The following CHFR variants were observed in gnomAD, a reference collection of about 807,000 sequenced individuals.
CHFR encodes checkpoint with forkhead and ring finger domains.
Under a neutral mutation model 87.6 loss-of-function variants are expected in CHFR, and 57 were observed. The ratio of observed to expected loss-of-function variants is 0.65; its 90% CI spans 0.53 to 0.81. The LOEUF is 0.81. CHFR is among the 30% of genes least tolerant of loss of function. The probability of loss-of-function intolerance (pLI) is 0.00; values close to 1 mark genes in which losing one functional copy is unlikely to be tolerated. For synonymous variants in CHFR, 381 were observed against 359.2 expected (o/e 1.06, Z -0.69); for missense variants, 797 against 865.8 (o/e 0.92, Z 1.00).
intron 15 of CHFR, 145 bp downstream of exon 15, chr12:132,846,898 A>G: frequency 1.5e-6 from 1 of 666,494 alleles, no homozygotes. Context: ...AAACAAACAA[A>G]CAAAAACAAC....
At chr12:132,852,095 TG>T (rs1264438754) in intron 11 of CHFR, among the ~76,000 whole-genome samples, 1 of 151,720 alleles carries the variant, frequency 6.6e-6, no homozygotes, top group African/African-American at 2.4e-5. Context: ...GCCATTCTCC[TG>T]CTTTAGCCTC....
chr12:132,871,544 G>T (rs1415838962), intron 4 of CHFR, among the ~76,000 whole-genome samples: 1 of 151,746 alleles, frequency 6.6e-6, no homozygotes, highest in Admixed American at 6.6e-5. Context: ...GGTTGAGGTG[G>T]GTGGATCACC....
At chr12:132,886,541 C>A (rs1275589159) in intron 2 of CHFR, among the ~76,000 whole-genome samples, 1 of 152,168 alleles carries the variant, frequency 6.6e-6, no homozygotes, top group East Asian at 1.9e-4. Context: ...GGAAATCAAA[C>A]AACCAGATGG....
intron 11 of CHFR, 80 bp downstream of exon 11, chr12:132,853,351 C>T (rs1194282280): frequency 5.9e-6 from 8 of 1,358,526 alleles, no homozygotes; most frequent in African/African-American, 3.1e-5. Flanking sequence ...GGGCAGAGCG[C>T]GGCCACGTGC....
At position 132,834,653 on chromosome 12, in the gene CHFR, T is replaced by A. The variant is rs1950633989; in HGVS notation, c.*6901A>T. 6.6e-6 allele frequency: 1 copy of A among 151,054 alleles called. No homozygotes were observed. The highest frequency in any genetic ancestry group is 1.5e-5 in the Non-Finnish European group (1 of 67,956). 9.4% of individuals were successfully genotyped at this position (151,054 alleles called of 1,614,324 possible). On this transcript the variant is annotated 3_prime_UTR_variant, in exon 18 of 18. Transcript: ENST00000450056. ...GCCCTTGCTCCCTCTGCAAAGCACA[T>A]CCCTCCCACCTCTTCTCTGTCACCA... is the stretch of plus-strand genomic sequence containing the variant.
intron 3 of CHFR, among the ~76,000 whole-genome samples, chr12:132,874,860 G>A (rs1301518793): frequency 1.3e-5 from 2 of 151,224 alleles, no homozygotes; most frequent in Non-Finnish European, 2.9e-5. Context: ...AGGGAACCCA[G>A]GCCCTGGAAC....
rs201454195 is a variant in CHFR, at chr12:132,851,635, C to T, written c.1475G>A (p.Arg492His). Residue 492 changes from arginine to histidine, a missense_variant, in exon 12 of 18, where the codon CGT becomes CAT. Arg to His is a conservative substitution (Grantham distance 29). Around this residue, in one of 2 missense-constraint regions of CHFR, gnomAD observed 200 missense variants for 264.6 expected, o/e 0.76. Coordinates refer to ENST00000450056, the MANE Select transcript of CHFR (RefSeq NM_001161346.2). ...GCACTCACACTGCTGAGGGGCGACA[C>T]GCGGGTCCTGCTCGCGCTCCGCTCT... The part of the protein sequence containing the change: ...DRRAEREQDP[R>H]VAPQQCAVCL... 17 of 1,612,150 alleles carry T rather than the reference C, an allele frequency of 1.1e-5. No individual in the cohort carries two copies. The highest frequency in any genetic ancestry group is 3.3e-5 in the South Asian group (3 of 91,020).
intron 5 of CHFR, 84 bp from the exon 6 acceptor site, chr12:132,869,882 G>C: frequency 6.9e-7 from 1 of 1,454,226 alleles, no homozygotes; most frequent in East Asian, 2.5e-5. Flanking sequence ...GGCTCAAGCA[G>C]ACACTCTAGG....
chr12:132,857,599 G>A, intron 8 of CHFR, 40 bp from the exon 9 acceptor site: 1 of 1,599,442 alleles, frequency 6.3e-7, no homozygotes, highest in South Asian at 1.1e-5. Flanking sequence ...CAGTCCCACA[G>A]ATGCAACCGC....
intron 16 of CHFR, among the ~76,000 whole-genome samples, chr12:132,843,457 TAAA>T (rs1424770132): frequency 6.6e-6 from 1 of 151,912 alleles, no homozygotes; most frequent in African/African-American, 2.4e-5. Flanking sequence ...AATTAAAAAA[TAAA>T]AACCCAATTG....
intron 10 of CHFR, 54 bp from the exon 11 acceptor site, chr12:132,853,627 G>A: frequency 1.4e-6 from 2 of 1,478,986 alleles, no homozygotes; most frequent in Admixed American, 5.6e-5. Flanking sequence ...TCTCAGGTAG[G>A]GCCGGTGCAA....
intron 2 of CHFR, among the ~76,000 whole-genome samples, chr12:132,884,959 G>A (rs1408470016): frequency 2.0e-5 from 3 of 151,848 alleles, no homozygotes; most frequent in East Asian, 1.9e-4. Flanking sequence ...GTGGTGGTAC[G>A]TGCCTGTAGT....
chr12:132,881,635 A>T (rs1951771514), intron 2 of CHFR, among the ~76,000 whole-genome samples: 1 of 152,152 alleles, frequency 6.6e-6, no homozygotes, highest in Admixed American at 6.6e-5. Flanking sequence ...TGGGAGGCCG[A>T]GGCGGGCGGA....
intron 6 of CHFR, among the ~76,000 whole-genome samples, chr12:132,863,106 C>T: frequency 6.7e-6 from 1 of 150,096 alleles, no homozygotes; most frequent in Middle Eastern, 3.4e-3. Context: ...CCGTGTTAGC[C>T]AGGATGGTCT....
chr12:132,843,733 G>A lies in CHFR; in HGVS notation c.1843+294C>T, dbSNP rs147750032. ...TGCAATCCTAGCACTTTGGGAGGCCGAGGTCAAGAGTTCGAGACCAGCCTG... is the reference window on the plus strand; with the variant it reads ...TGCAATCCTAGCACTTTGGGAGGCCAAGGTCAAGAGTTCGAGACCAGCCTG... On this transcript the variant is annotated intron_variant, in intron 16 of 17. Coordinates refer to ENST00000450056, the MANE Select transcript of CHFR (RefSeq NM_001161346.2). 2.2e-4 allele frequency among the ~76,000 whole-genome samples: 34 copies of A among 152,112 alleles called. 2 individuals are homozygous for A. Among genetic ancestry groups the A allele is most frequent in the East Asian group, 9.7e-4 (5 of 5,160 alleles).
chr12:132,862,227 A>G (rs1208422240), intron 6 of CHFR: 1 of 236,342 alleles, frequency 4.2e-6, no homozygotes, highest in Non-Finnish European at 8.6e-6. Flanking sequence ...GTGAGCCAAG[A>G]TCGTGCCACT....
intron 12 of CHFR, among the ~76,000 whole-genome samples, chr12:132,850,911 C>T (rs1435219263): frequency 6.6e-6 from 1 of 150,998 alleles, no homozygotes; most frequent in Non-Finnish European, 1.5e-5. Context: ...TACATTAAAA[C>T]AGCCATGAAA....
chr12:132,857,483 A>G lies in CHFR; in HGVS notation c.988T>C (p.Cys330Arg). 6.2e-7 allele frequency: 1 copy of G among 1,614,184 alleles called. No homozygotes were observed. Among genetic ancestry groups the G allele is most frequent in the Non-Finnish European group, 8.5e-7 (1 of 1,180,004 alleles). Residue 330 changes from cysteine (C) to arginine (R), a missense_variant, in exon 9 of 18, where the codon TGC becomes CGC. Cys to Arg is a radical substitution (Grantham distance 180, BLOSUM62 -3). This residue lies in a region of CHFR where 597 missense variants were observed against 601.2 expected (regional missense o/e 0.99). Transcript: ENST00000450056. Reference protein sequence around the residue: ...WMERSSLCPTCRCPVERICKN... With the variant: ...WMERSSLCPTRRCPVERICKN... ...CAGATCCGCTCCACGGGACAGCGGC[A>G]GGTAGGACACAGGGACGAGCGCTCC... is the stretch of plus-strand genomic sequence containing the variant.
chr12:132,862,301 T>A, intron 6 of CHFR: 1 of 247,986 alleles, frequency 4.0e-6, no homozygotes. Flanking sequence ...AAATAAAAAA[T>A]AGAGGTCTGA....
Sources: gnomAD v4.1 joint callset for allele counts (sites outside exome capture counted in the v4.1 genomes callset) on GRCh38, gnomAD v4.1.1 for gene constraint, gnomAD v4.1.1 regional missense constraint, MANE v1.5 for transcripts, NCBI Gene and HGNC (gene_info 2026-07-23, HGNC 2026-07-21) for gene names.